The following FGD2 variants were observed in gnomAD, a reference collection of about 807,000 sequenced individuals.
The protein encoded by FGD2 is FYVE, RhoGEF and PH domain-containing protein 2.
A neutral mutation model predicts 75.9 loss-of-function variants in FGD2; 52 were observed. The ratio of observed to expected loss-of-function variants is 0.69; its 90% CI spans 0.55 to 0.86. FGD2 has a LOEUF of 0.86. Among genes scored for constraint, FGD2 ranks in the 40% least tolerant of loss-of-function variants. The pLI, the probability that FGD2 is intolerant of heterozygous loss-of-function variation, is 0.00. For missense variants in FGD2, 790 were observed against 872.0 expected (o/e 0.91, Z 1.18); for synonymous variants, 347 against 348.6 (o/e 1.00, Z 0.05).
Position 37,027,546 on chromosome 6 carries a change from C to T in FGD2, c.1723C>T (p.Leu575Phe), listed in dbSNP as rs762809243. The T allele has an allele frequency of 4.3e-6, 7 of 1,614,138 alleles. No individual in the cohort carries two copies. Among genetic ancestry groups the T allele is most frequent in the Admixed American group, 1.7e-5 (1 of 60,026 alleles). Residue 575 changes from leucine (L) to phenylalanine (F), a missense_variant, in exon 15 of 16, where the codon CTC (leucine) becomes TTC (phenylalanine). Coordinates refer to ENST00000274963, the MANE Select transcript of FGD2 (RefSeq NM_173558.4). ...GWCVIPRDDP[L>F]VLYVYAAPQD... ...GTGTGTGATCCCTCGGGATGACCCC[C>T]TCGTGCTCTATGTCTATGCTGCCCC...
At chr6:37,012,784 T>TA (rs1369290428) in intron 4 of FGD2, among the ~76,000 whole-genome samples, 8 of 151,136 alleles carry the variant, frequency 5.3e-5, no homozygotes, top group Non-Finnish European at 7.4e-5. Context: ...ATCATTCCAA[T>TA]TTTTTTCAAT....
At chr6:37,011,335 A>G (rs929926193) in intron 3 of FGD2, 4 of 562,686 alleles carry the variant, frequency 7.1e-6, no homozygotes, top group Admixed American at 6.2e-5. Context: ...CTGTCATCTC[A>G]ATGCCCACAA....
At chr6:37,022,213 C>T (rs1272031021) in intron 12 of FGD2, 26 bp from the exon 13 acceptor site, 5 of 1,594,390 alleles carry the variant, frequency 3.1e-6, no homozygotes, top group East Asian at 2.3e-5. Context: ...AGGGCCCATT[C>T]CTGCCCAACT....
chr6:37,015,056 G>C lies in FGD2; in HGVS notation c.1029+18G>C. ...TTTTCTTGGTAAGAGGGTGCTGGGA[G>C]CTCCTCTCCACACTGGGGAGGGAAG... On this transcript the variant is annotated intron_variant, in intron 8 of 15. Transcript: ENST00000274963. 6.2e-7 allele frequency: 1 copy of C among 1,608,126 alleles called. No homozygotes were observed.
intron 1 of FGD2, among the ~76,000 whole-genome samples, chr6:37,007,776 C>G (rs571567360): frequency 1.3e-5 from 2 of 152,166 alleles, no homozygotes; most frequent in South Asian, 4.1e-4. Context: ...GAACCAGCTA[C>G]GCCCATGAGC....
chr6:37,020,070 T>C (rs375788141), intron 9 of FGD2, among the ~76,000 whole-genome samples: 63 of 152,322 alleles, frequency 4.1e-4, no homozygotes, highest in African/African-American at 1.4e-3. Context: ...CAGGCTGTTC[T>C]CAAACTCCTG....
intron 2 of FGD2, chr6:37,009,694 A>G (rs545125484): frequency 6.6e-6 from 1 of 152,334 alleles, no homozygotes; most frequent in East Asian, 1.9e-4. Flanking sequence ...CCTGGTTTTC[A>G]ATCGCTGCTG....
intron 13 of FGD2, chr6:37,025,504 A>G (rs1269009785): frequency 1.4e-5 from 6 of 441,568 alleles, no homozygotes; most frequent in Middle Eastern, 6.2e-4. Flanking sequence ...CCTCACTCGG[A>G]GGGAACCTGG....
chr6:37,021,659 T>G, intron 12 of FGD2, 55 bp downstream of exon 12: 1 of 1,477,098 alleles, frequency 6.8e-7, no homozygotes, highest in Non-Finnish European at 9.3e-7. Context: ...ATAGAGCTTG[T>G]TCCCTCTCTG....
At chr6:37,021,469 T>A (rs1415986701) in intron 11 of FGD2, 43 bp from the exon 12 acceptor site, 1 of 1,555,648 alleles carries the variant, frequency 6.4e-7, no homozygotes, top group Non-Finnish European at 8.8e-7. Context: ...AATCCCTCCC[T>A]TCCACACCTC....
chr6:37,015,083 C>T, intron 8 of FGD2, 45 bp downstream of exon 8: 1 of 1,591,796 alleles, frequency 6.3e-7, no homozygotes, highest in Non-Finnish European at 8.5e-7. Context: ...GGAGGGAAGT[C>T]CATGGGCCAC....
chr6:37,010,565 T>C lies in FGD2; in HGVS notation c.301-408T>C, dbSNP rs1322919375. Among the ~76,000 whole-genome samples, 11 of 152,300 alleles carry C rather than the reference T, an allele frequency of 7.2e-5. No homozygotes were observed. In the East Asian group the frequency reaches 2.1e-3, roughly 29 times the overall value. ...CCCAAGACAGCTCAGCTCGCAAGTC[T>C]GGCATCTGGGCAGGGACAGCCGGAA... On this transcript the variant is annotated intron_variant, in intron 2 of 15. Coordinates refer to ENST00000274963, the MANE Select transcript of FGD2 (RefSeq NM_173558.4).
rs369212622 is a variant in FGD2, at chr6:37,008,920, G to T, written c.155G>T (p.Arg52Leu). 1 of 1,614,100 alleles carries T rather than the reference G, an allele frequency of 6.2e-7. No individual in the cohort carries two copies. The highest frequency in any genetic ancestry group is 1.3e-5 in the African/African-American group (1 of 74,942). The change falls in exon 2 of 16, where the codon CGG (arginine) becomes CTG (leucine). Residue 52 changes from arginine to leucine, a missense_variant. By Grantham distance (102) the Arg-to-Leu change is moderately radical. Coordinates refer to ENST00000274963, the MANE Select transcript of FGD2 (RefSeq NM_173558.4). ...ECRPPESPGP[R>L]EKTNVGEAVG... ...AGGCCTCCCGAGTCCCCAGGACCACGGGAGAAGACGAATGTCGGGGAGGCC... is the reference window on the plus strand; with the variant it reads ...AGGCCTCCCGAGTCCCCAGGACCACTGGAGAAGACGAATGTCGGGGAGGCC...
intron 1 of FGD2, among the ~76,000 whole-genome samples, chr6:37,007,257 T>C (rs831512): frequency 0.41 from 62,540 of 152,078 alleles, 13,150 homozygotes; most frequent in East Asian, 0.56. Context: ...TGGCAGGCAA[T>C]GTTTCCTGTA....
intron 14 of FGD2, among the ~76,000 whole-genome samples, chr6:37,027,026 C>A (rs1485125325): frequency 6.6e-6 from 1 of 151,842 alleles, no homozygotes; most frequent in Non-Finnish European, 1.5e-5. Context: ...AAAAAGTTGG[C>A]CTTTTTCCAC....
chr6:37,013,747 G>A lies in FGD2; in HGVS notation c.666G>A (p.Glu222=), dbSNP rs1434836625. Residue 222 remains glutamate (E), a synonymous_variant, in exon 5 of 16, where the codon GAG becomes GAA. Coordinates refer to ENST00000274963, the MANE Select transcript of FGD2 (RefSeq NM_173558.4). ...CCGACAAGTCTCCACTCTTCCAGGA[G>A]GTTCTCACTCGCATCCAGGTGAGGC... ...TWTDKSPLFQ[E]VLTRIQSSEA... 3.1e-6 allele frequency: 5 copies of A among 1,613,920 alleles called. No homozygotes were observed. In the African/African-American group the frequency reaches 5.3e-5, roughly 17 times the overall value.
rs1275160598 is a variant in FGD2, at chr6:37,020,750, G to A, written c.1233+11G>A. The A allele has an allele frequency of 3.8e-6, 6 of 1,562,588 alleles. No individual in the cohort carries two copies. Among genetic ancestry groups the A allele is most frequent in the Admixed American group, 1.9e-5 (1 of 52,578 alleles). ...ATTTCCTGGATGCAGGTATGGGAACGCTCCGAGGCTTCTGGGAGTCTTTTT... is the reference window on the plus strand; with the variant it reads ...ATTTCCTGGATGCAGGTATGGGAACACTCCGAGGCTTCTGGGAGTCTTTTT... On this transcript the variant is annotated intron_variant, in intron 11 of 15. Coordinates refer to ENST00000274963, the MANE Select transcript of FGD2 (RefSeq NM_173558.4).
Position 37,013,748 on chromosome 6 carries a change from G to T in FGD2, c.667G>T (p.Val223Phe), listed in dbSNP as rs1232651115. ...CGACAAGTCTCCACTCTTCCAGGAG[G>T]TTCTCACTCGCATCCAGGTGAGGCT... ...WTDKSPLFQE[V>F]LTRIQSSEAS... The change falls in exon 5 of 16, where the codon GTT becomes TTT. Residue 223 changes from valine (V) to phenylalanine (F), a missense_variant. Physicochemically the swap from Val to Phe is conservative, Grantham distance 50. Transcript: ENST00000274963. 1 of 1,613,872 alleles carries T rather than the reference G, an allele frequency of 6.2e-7. No individual in the cohort carries two copies. The highest frequency in any genetic ancestry group is 8.5e-7 in the Non-Finnish European group (1 of 1,179,944).
Position 37,013,995 on chromosome 6 carries a change from C to T in FGD2, c.718C>T (p.His240Tyr), listed in dbSNP as rs1418734698. The change falls in exon 6 of 16, where the codon CAC becomes TAC. Residue 240 changes from histidine (H) to tyrosine (Y), a missense_variant. Coordinates refer to ENST00000274963, the MANE Select transcript of FGD2 (RefSeq NM_173558.4). ...GGCTTCGGGCAGCCTGACCCTGCAGCACCACATGCTGGAACCAGTGCAGAG... is the reference window on the plus strand; with the variant it reads ...GGCTTCGGGCAGCCTGACCCTGCAGTACCACATGCTGGAACCAGTGCAGAG... ...SEASGSLTLQ[H>Y]HMLEPVQRIP... 1.2e-6 allele frequency: 2 copies of T among 1,614,046 alleles called. No homozygotes were observed. The highest frequency in any genetic ancestry group is 3.3e-5 in the Admixed American group (2 of 60,008).
Sources: gnomAD v4.1 joint callset for allele counts (sites outside exome capture counted in the v4.1 genomes callset) on GRCh38, gnomAD v4.1.1 for gene constraint, MANE v1.5 for transcripts, NCBI Gene and HGNC (gene_info 2026-07-23, HGNC 2026-07-21) for gene names.